FGFR3: variants seen among roughly 807,000 people sequenced by gnomAD.
FGFR3 encodes fibroblast growth factor receptor 3, also known as FGFR-3.
A neutral mutation model predicts 82.9 loss-of-function variants in FGFR3; 25 were observed. The ratio of observed to expected loss-of-function variants is 0.30; its 90% CI spans 0.22 to 0.42. The LOEUF is 0.42. Among genes scored for constraint, FGFR3 ranks in the 10% least tolerant of loss-of-function variants. The pLI, the probability that FGFR3 is intolerant of heterozygous loss-of-function variation, is 1.00. For synonymous variants in FGFR3, 620 were observed against 516.0 expected, an observed-to-expected ratio of 1.20 and a Z score of -2.73; for missense variants, 1,026 against 1,161.0, an observed-to-expected ratio of 0.88 and a Z score of 1.69.
At chr4:1,793,640 CAGGGAGGGAAGGGGGAGG>C (rs1720097816) in intron 1 of FGFR3, among the ~76,000 whole-genome samples, 175 bp downstream of exon 1, 1 of 148,228 alleles carries the variant, frequency 6.7e-6, no homozygotes, top group Non-Finnish European at 1.5e-5. Flanking sequence ...TTGCAGCAGC[CAGGGAGGGAAGGGGGAGG>C]AGGGAGGGAC....
chr4:1,798,394 C>T (rs1252587358), intron 2 of FGFR3, among the ~76,000 whole-genome samples: 1 of 152,070 alleles, frequency 6.6e-6, no homozygotes, highest in Admixed American at 6.5e-5. Context: ...CTCCCCACTC[C>T]CCGGCCTGTG....
chr4:1,807,688 G>A lies in FGFR3; in HGVS notation c.*426G>A, dbSNP rs765193733. The A allele has an allele frequency of 3.2e-6, 2 of 620,360 alleles. No individual in the cohort carries two copies. Among genetic ancestry groups the A allele is most frequent in the East Asian group, 6.5e-5 (2 of 30,602 alleles). The allele number at this position is 620,360 out of a possible 1,614,324, so 38.4% of individuals were successfully genotyped here. A position where few individuals can be genotyped will look rare whatever the true frequency, so the allele number is the denominator to read the frequency against. ...CGGCCCCTCCCACACCCAAAGCTGA[G>A]CCTGCAGGGAAGCCCCACATGTCCA... On this transcript the variant is annotated 3_prime_UTR_variant, in exon 18 of 18. Coordinates refer to ENST00000440486, the MANE Select transcript of FGFR3 (RefSeq NM_000142.5).
At position 1,803,694 on chromosome 4, in the gene FGFR3, G is replaced by A. The variant is rs142805104; in HGVS notation, c.933G>A (p.Thr311=). The A allele has an allele frequency of 5.7e-5, 92 of 1,613,562 alleles. No individual in the cohort carries two copies. In the African/African-American group the frequency reaches 7.3e-4, roughly 13 times the overall value. Residue 311 remains threonine, a splice_region_variant and synonymous_variant, in exon 8 of 18, where the codon ACG becomes ACA. Coordinates refer to ENST00000440486, the MANE Select transcript of FGFR3 (RefSeq NM_000142.5). ...DGTPYVTVLK[T]AGANTTDKEL... is the part of the protein sequence containing the mutation. Reference sequence around the variant, plus strand: ...ATCGCTCTGCTCTCTCTTTGTAGACGGCGGGCGCTAACACCACCGACAAGG... The same window carrying A: ...ATCGCTCTGCTCTCTCTTTGTAGACAGCGGGCGCTAACACCACCGACAAGG...
intron 2 of FGFR3, among the ~76,000 whole-genome samples, chr4:1,796,945 G>A (rs546736525): frequency 7.9e-5 from 12 of 152,182 alleles, no homozygotes; most frequent in Non-Finnish European, 1.6e-4. Flanking sequence ...CTGGGACACA[G>A]CAGAGGGCTG....
In FGFR3 at chr4:1,805,444, A is replaced by G. The variant is rs1176591119; in HGVS notation, c.1502A>G (p.Lys501Arg). 1.2e-6 allele frequency: 2 copies of G among 1,611,830 alleles called. No individual in the cohort carries two copies. Among genetic ancestry groups the G allele is most frequent in the Non-Finnish European group, 1.7e-6 (2 of 1,179,314 alleles). The change falls in exon 11 of 18, where the codon AAG becomes AGG. Residue 501 changes from lysine (K) to arginine (R), a missense_variant. Around this residue, in one of 9 missense-constraint regions of FGFR3, gnomAD observed 164 missense variants for 167.5 expected, o/e 0.98. Transcript: ENST00000440486. ...GGCATTGACAAGGACCGGGCCGCCAAGCCTGTCACCGTAGCCGTGAAGATG... is the reference window on the plus strand; with the variant it reads ...GGCATTGACAAGGACCGGGCCGCCAGGCCTGTCACCGTAGCCGTGAAGATG... ...AIGIDKDRAAKPVTVAVKMLK... is the reference protein window; with the variant it reads ...AIGIDKDRAARPVTVAVKMLK...
At chr4:1,798,305 C>T (rs914956481) in intron 2 of FGFR3, among the ~76,000 whole-genome samples, 8 of 152,014 alleles carry the variant, frequency 5.3e-5, no homozygotes, top group South Asian at 2.1e-4. Context: ...CCAGCCTGGT[C>T]GTCCTCTGTG....
chr4:1,798,946 A>G (rs1720855656), intron 2 of FGFR3, among the ~76,000 whole-genome samples: 1 of 152,202 alleles, frequency 6.6e-6, no homozygotes, highest in South Asian at 2.1e-4. Context: ...ACACTTTGAG[A>G]TTTGAATTCT....
rs1388909987 is a variant in FGFR3, at chr4:1,799,750, C to T, written c.383C>T (p.Ala128Val). Residue 128 changes from alanine (A) to valine (V), a missense_variant, in exon 4 of 18, where the codon GCT becomes GTT. Coordinates refer to ENST00000440486, the MANE Select transcript of FGFR3 (RefSeq NM_000142.5). ...LCHFSVRVTD[A>V]PSSGDDEDGE... ...TGCGGCCATCTCTGCCTTGCAGACGCTCCATCCTCGGGAGATGACGAAGAC... is the reference window on the plus strand; with the variant it reads ...TGCGGCCATCTCTGCCTTGCAGACGTTCCATCCTCGGGAGATGACGAAGAC... 1.2e-6 allele frequency: 2 copies of T among 1,612,990 alleles called. No individual in the cohort carries two copies. The highest frequency in any genetic ancestry group is 2.2e-5 in the South Asian group (2 of 91,066).
At position 1,807,221 on chromosome 4, in the gene FGFR3, C is replaced by T. The variant is rs772193113; in HGVS notation, c.2380C>T (p.Leu794=). 1 of 1,608,210 alleles carries T rather than the reference C, an allele frequency of 6.2e-7. No homozygotes were observed. The highest frequency in any genetic ancestry group is 8.5e-7 in the Non-Finnish European group (1 of 1,178,310). ...GDDSVFAHDL[L]PPAPPSSGGS... ...CGACTCCGTGTTTGCCCACGACCTG[C>T]TGCCCCCGGCCCCACCCAGCAGTGG... Residue 794 remains leucine (L), a synonymous_variant, in exon 18 of 18, where the codon CTG becomes TTG. Coordinates refer to ENST00000440486, the MANE Select transcript of FGFR3 (RefSeq NM_000142.5).
rs143094785 is a variant in FGFR3 at position 1,804,496 on chromosome 4, C to G, written c.1242C>G (p.Ile414Met). 2.2e-5 allele frequency: 36 copies of G among 1,612,860 alleles called. No individual in the cohort carries two copies. The highest frequency in any genetic ancestry group is 3.0e-5 in the Non-Finnish European group (35 of 1,179,952). Residue 414 changes from isoleucine to methionine, a missense_variant, in exon 9 of 18, where the codon ATC becomes ATG. Physicochemically the swap from Ile to Met is conservative, Grantham distance 10. Transcript: ENST00000440486. ...KGLGSPTVHK[I>M]SRFPLKRQVS... ...TGGGCTCCCCCACCGTGCACAAGATCTCCCGCTTCCCGCTCAAGCGACAGG... is the reference window on the plus strand; with the variant it reads ...TGGGCTCCCCCACCGTGCACAAGATGTCCCGCTTCCCGCTCAAGCGACAGG...
intron 2 of FGFR3, among the ~76,000 whole-genome samples, chr4:1,796,461 G>A (rs1243684806): frequency 1.3e-5 from 2 of 152,132 alleles, no homozygotes; most frequent in Non-Finnish European, 2.9e-5. Context: ...CCAGAGAGCT[G>A]CAGAGAACTT....
chr4:1,807,194 G>GA lies in FGFR3; in HGVS notation c.2354dup (p.Asp785GlufsTer32). 6.2e-7 allele frequency: 1 copy of GA among 1,607,714 alleles called. No individual in the cohort carries two copies. Among genetic ancestry groups the GA allele is most frequent in the Non-Finnish European group, 8.5e-7 (1 of 1,177,890 alleles). ...CACCCCCAGCTCCAGCTCCTCAGGGGACGACTCCGTGTTTGCCCACGACCT... is the reference window on the plus strand; with the variant it reads ...CACCCCCAGCTCCAGCTCCTCAGGGGAACGACTCCGTGTTTGCCCACGACCT... On this transcript the variant is annotated frameshift_variant, in exon 18 of 18. Transcript: ENST00000440486. LOFTEE classifies it low-confidence loss of function (END_TRUNC).
rs199792768 is a variant in FGFR3 at position 1,799,769 on chromosome 4, C to G, written c.402C>G (p.Asp134Glu). The G allele has an allele frequency of 6.2e-7, 1 of 1,613,012 alleles. No homozygotes were observed. The highest frequency in any genetic ancestry group is 8.5e-7 in the Non-Finnish European group (1 of 1,179,940). The change falls in exon 4 of 18, where the codon GAC becomes GAG. Residue 134 changes from aspartate (D) to glutamate (E), a missense_variant. Coordinates refer to ENST00000440486, the MANE Select transcript of FGFR3 (RefSeq NM_000142.5). ...RVTDAPSSGD[D>E]EDGEDEAEDT... ...CAGACGCTCCATCCTCGGGAGATGA[C>G]GAAGACGGGGAGGACGAGGCTGAGG...
rs371310275 is a variant in FGFR3 at position 1,802,975 on chromosome 4, G to A, written c.931-717G>A. On this transcript the variant is annotated intron_variant, in intron 7 of 17. Coordinates refer to ENST00000440486, the MANE Select transcript of FGFR3 (RefSeq NM_000142.5). ...CTCCGCCTGGCCAATGTGTCGGAGC[G>A]GGACGGGGGCGAGTACCTCTGTCGA... 30 of 1,601,258 alleles carry A rather than the reference G, an allele frequency of 1.9e-5. 1 individual carries two copies. In the South Asian group the frequency reaches 2.1e-4, roughly 11 times the overall value.
intron 10 of FGFR3, 109 bp from the exon 11 acceptor site, chr4:1,805,246 G>T: frequency 6.4e-7 from 1 of 1,567,908 alleles, no homozygotes; most frequent in South Asian, 1.1e-5. Flanking sequence ...GGGCTTCCTG[G>T]AGGTGGTGGC....
At chr4:1,804,599 C>G in intron 9 of FGFR3, 79 bp downstream of exon 9, 1 of 1,573,540 alleles carries the variant, frequency 6.4e-7, no homozygotes, top group Non-Finnish European at 8.7e-7. Flanking sequence ...CACGCTGGTC[C>G]TGGGCTGTGT....
Position 1,806,354 on chromosome 4 carries a change from CA to C in FGFR3, c.2030+28del, listed in dbSNP as rs776305129. On this transcript the variant is annotated intron_variant, in intron 15 of 17. Transcript: ENST00000440486. Reference sequence around the variant, plus strand: ...TACGTGTCCTGCAGAGCTCAGGCTTCAGGGGTGGAGGCGGGAACTGGGCAGA... The same window carrying C: ...TACGTGTCCTGCAGAGCTCAGGCTTCGGGGTGGAGGCGGGAACTGGGCAGA... 87 of 1,612,594 alleles carry C rather than the reference CA, an allele frequency of 5.4e-5. No individual in the cohort carries two copies. The African/African-American group carries it at 8.9e-4, about 17-fold the overall frequency.
At chr4:1,801,216 G>C in intron 4 of FGFR3, 151 bp from the exon 5 acceptor site, 1 of 835,728 alleles carries the variant, frequency 1.2e-6, no homozygotes, top group Non-Finnish European at 1.9e-6. Context: ...ACAAGATGTG[G>C]AGGCTCCTGG....
chr4:1,795,315 G>A (rs1720358289), intron 2 of FGFR3, among the ~76,000 whole-genome samples: 2 of 152,016 alleles, frequency 1.3e-5, no homozygotes, highest in Admixed American at 6.5e-5. Flanking sequence ...CCTACGGCCC[G>A]GGAATGTCAG....
Sources: gnomAD v4.1 joint callset for allele counts (sites outside exome capture counted in the v4.1 genomes callset) on GRCh38, gnomAD v4.1.1 for gene constraint, gnomAD v4.1.1 regional missense constraint, MANE v1.5 for transcripts, NCBI Gene and HGNC (gene_info 2026-07-23, HGNC 2026-07-21) for gene names.